The following ADAMTS3 variants were observed in gnomAD, a reference collection of about 807,000 sequenced individuals.
The protein encoded by ADAMTS3 is A disintegrin and metalloproteinase with thrombospondin motifs 3.
A neutral mutation model predicts 129.0 loss-of-function variants in ADAMTS3; 73 were observed. The observed-to-expected ratio is 0.57, with a 90% CI of 0.47 to 0.69. The LOEUF (loss-of-function observed/expected upper bound fraction) is 0.69. Among genes scored for constraint, ADAMTS3 ranks in the 30% least tolerant of loss-of-function variants. The probability of loss-of-function intolerance (pLI) is 0.00; values close to 1 mark genes in which losing one functional copy is unlikely to be tolerated. For synonymous variants in ADAMTS3, 477 were observed against 510.8 expected, an observed-to-expected ratio of 0.93 and a Z score of 0.89; for missense variants, 1,457 against 1,514.5, an observed-to-expected ratio of 0.96 and a Z score of 0.63.
At chr4:72,348,447 T>G (rs1214436293) in intron 4 of ADAMTS3, among the ~76,000 whole-genome samples, 1 of 151,866 alleles carries the variant, frequency 6.6e-6, no homozygotes, top group Non-Finnish European at 1.5e-5. Context: ...CAGAAAGAGG[T>G]TGTATGATAT....
intron 3 of ADAMTS3, among the ~76,000 whole-genome samples, chr4:72,523,680 A>G (rs1007912546): frequency 2.6e-4 from 40 of 152,138 alleles, no homozygotes; most frequent in African/African-American, 9.4e-4. Context: ...GAACTTACCA[A>G]TATGCAACCC....
chr4:72,412,201 T>A (rs956576422), intron 4 of ADAMTS3, among the ~76,000 whole-genome samples: 1 of 152,060 alleles, frequency 6.6e-6, no homozygotes, highest in Non-Finnish European at 1.5e-5. Context: ...ACACATTTCA[T>A]TCCATGTAAG....
At chr4:72,453,038 C>T (rs910597985) in intron 3 of ADAMTS3, among the ~76,000 whole-genome samples, 17 of 151,790 alleles carry the variant, frequency 1.1e-4, no homozygotes, top group African/African-American at 4.1e-4. Flanking sequence ...ACATTTGCAT[C>T]TCAAAAGAGC....
intron 3 of ADAMTS3, among the ~76,000 whole-genome samples, chr4:72,463,937 G>A (rs1178024854): frequency 6.6e-6 from 1 of 151,906 alleles, no homozygotes; most frequent in Non-Finnish European, 1.5e-5. Context: ...CAGCCAGCCT[G>A]CCAAGACAAA....
intron 3 of ADAMTS3, among the ~76,000 whole-genome samples, chr4:72,505,188 C>A (rs1486164753): frequency 2.0e-5 from 3 of 152,118 alleles, no homozygotes; most frequent in Non-Finnish European, 2.9e-5. Flanking sequence ...GAGATGCTGG[C>A]AATTCTAATT....
chr4:72,373,774 C>G (rs2109870181), intron 4 of ADAMTS3, among the ~76,000 whole-genome samples: 1 of 151,996 alleles, frequency 6.6e-6, no homozygotes, highest in South Asian at 2.1e-4. Flanking sequence ...GTGGCACACA[C>G]CTGTCATGGC....
intron 13 of ADAMTS3, among the ~76,000 whole-genome samples, chr4:72,311,804 T>A (rs544371164): frequency 2.6e-5 from 4 of 152,068 alleles, no homozygotes; most frequent in Non-Finnish European, 4.4e-5. Flanking sequence ...AATTCAGAAG[T>A]AAGAAGTGAA....
At chr4:72,514,514 G>A (rs788937) in intron 3 of ADAMTS3, among the ~76,000 whole-genome samples, 51,899 of 151,882 alleles carry the variant, frequency 0.34, 9,677 homozygotes, top group African/African-American at 0.49. Flanking sequence ...AAACTCTCTC[G>A]CAGAAGTTTT....
At position 72,408,137 on chromosome 4, in the gene ADAMTS3, C is replaced by T. The variant is rs146653527; in HGVS notation, c.661+6678G>A. ...TGTTTTAGCCTATGTGTAGTTCTCA[C>T]ATTTAAATTGACAGTAAACTCATGT... On this transcript the variant is annotated intron_variant, in intron 4 of 21. Coordinates refer to ENST00000286657, the MANE Select transcript of ADAMTS3 (RefSeq NM_014243.3). Among the ~76,000 whole-genome samples, 24 of 152,168 alleles carry T rather than the reference C, an allele frequency of 1.6e-4. No homozygotes were observed. In the East Asian group the frequency reaches 4.6e-3, roughly 29 times the overall value.
intron 3 of ADAMTS3, among the ~76,000 whole-genome samples, chr4:72,436,568 GC>G (rs1372238060): frequency 6.6e-6 from 1 of 152,090 alleles, no homozygotes; most frequent in Non-Finnish European, 1.5e-5. Flanking sequence ...TATGTTTATT[GC>G]GGCACTATTC....
chr4:72,512,385 G>T (rs904808862), intron 3 of ADAMTS3, among the ~76,000 whole-genome samples: 1 of 152,022 alleles, frequency 6.6e-6, no homozygotes, highest in South Asian at 2.1e-4. Context: ...CCAGCTACTC[G>T]GGAGGCTGAG....
intron 3 of ADAMTS3, among the ~76,000 whole-genome samples, chr4:72,452,948 T>C (rs1718445033): frequency 1.3e-5 from 2 of 151,872 alleles, no homozygotes; most frequent in South Asian, 4.1e-4. Context: ...TTCTAAAAAA[T>C]GCAGCAGTAG....
chr4:72,369,199 C>T (rs1720943423), intron 4 of ADAMTS3, among the ~76,000 whole-genome samples: 1 of 152,142 alleles, frequency 6.6e-6, no homozygotes, highest in Non-Finnish European at 1.5e-5. Flanking sequence ...TTATGAAAAG[C>T]AATATCAATG....
At chr4:72,463,392 A>G (rs1198478650) in intron 3 of ADAMTS3, among the ~76,000 whole-genome samples, 1 of 152,020 alleles carries the variant, frequency 6.6e-6, no homozygotes, top group Non-Finnish European at 1.5e-5. Flanking sequence ...ACCACTTCAT[A>G]TTTTTGTCAG....
At chr4:72,296,045 CTAGCATGAGAGG>C (rs1284493697) in intron 18 of ADAMTS3, among the ~76,000 whole-genome samples, 2 of 151,962 alleles carry the variant, frequency 1.3e-5, no homozygotes, top group Non-Finnish European at 2.9e-5. Context: ...TATACACAGT[CTAGCATGAGAGG>C]TAGATACGAA....
chr4:72,506,507 C>G (rs1720162601), intron 3 of ADAMTS3, among the ~76,000 whole-genome samples: 1 of 152,184 alleles, frequency 6.6e-6, no homozygotes, highest in Non-Finnish European at 1.5e-5. Context: ...GACTAAAATG[C>G]CTACATGTCC....
At chr4:72,380,374 C>T (rs1369254623) in intron 4 of ADAMTS3, among the ~76,000 whole-genome samples, 1 of 152,098 alleles carries the variant, frequency 6.6e-6, no homozygotes, top group Non-Finnish European at 1.5e-5. Flanking sequence ...GGTGATGATT[C>T]CTGTCACTTC....
intron 9 of ADAMTS3, 67 bp downstream of exon 9, chr4:72,319,265 T>C: frequency 1.3e-6 from 2 of 1,582,274 alleles, no homozygotes; most frequent in Non-Finnish European, 8.6e-7. Flanking sequence ...GATCAAGTCC[T>C]AAGAGTCAGT....
intron 3 of ADAMTS3, among the ~76,000 whole-genome samples, chr4:72,447,538 T>C (rs1718291085): frequency 6.6e-6 from 1 of 151,748 alleles, no homozygotes; most frequent in African/African-American, 2.4e-5. Flanking sequence ...TAATGCCACA[T>C]TGGAAAATAC....
Sources: allele counts gnomAD v4.1 joint callset (sites outside exome capture counted in the v4.1 genomes callset), GRCh38; gene constraint gnomAD v4.1.1; transcripts MANE v1.5; gene names NCBI Gene and HGNC (gene_info 2026-07-23, HGNC 2026-07-21).